The following FSHR variants were observed in gnomAD, a reference collection of about 807,000 sequenced individuals.
FSHR encodes follicle-stimulating hormone receptor.
FSHR carries 46 observed loss-of-function variants against 52.1 expected under a neutral mutation model. The observed-to-expected ratio is 0.88, with a 90% CI of 0.70 to 1.13. The LOEUF (loss-of-function observed/expected upper bound fraction) is 1.13, where lower values mean the gene tolerates loss of function less well. Ranked by LOEUF, FSHR falls within the 50% of genes most tolerant of loss-of-function variation. The probability of loss-of-function intolerance (pLI) is 0.00; values close to 1 mark genes in which losing one functional copy is unlikely to be tolerated. For missense variants in FSHR, 964 were observed against 834.6 expected (o/e 1.16, Z -1.91); for synonymous variants, 399 against 309.6 (o/e 1.29, Z -3.03).
Position 49,030,271 on chromosome 2 carries a change from A to AGTGTGTGTGTGT in FSHR, c.225-10123_225-10112dup, listed in dbSNP as rs141079184. Among the ~76,000 whole-genome samples the AGTGTGTGTGTGT allele has an allele frequency of 3.1e-3, 440 of 140,458 alleles. 4 individuals carry two copies. The highest frequency in any genetic ancestry group is 4.4e-3 in the African/African-American group (169 of 38,108). The allele number at this position is 140,458 out of a possible 152,430, so 92.1% of individuals were successfully genotyped here. ...GAGGCTCTTTGCTAAAGGAATAGCA[A>AGTGTGTGTGTGT]GTGTGTGTGTGTGTGTGTGTGTGTG... On this transcript the variant is annotated intron_variant, in intron 2 of 9. Coordinates refer to ENST00000406846, the MANE Select transcript of FSHR (RefSeq NM_000145.4).
intron 2 of FSHR, among the ~76,000 whole-genome samples, chr2:49,049,410 C>A (rs1668774093): frequency 6.6e-6 from 1 of 152,050 alleles, no homozygotes; most frequent in South Asian, 2.1e-4. Context: ...CCTTGAGTAA[C>A]CTCTGTCATA....
chr2:49,153,122 A>G (rs968919160), intron 1 of FSHR, among the ~76,000 whole-genome samples: 2 of 152,346 alleles, frequency 1.3e-5, no homozygotes, highest in Admixed American at 6.5e-5. Flanking sequence ...TCAGGTCTGC[A>G]AGGCTGCAAC....
chr2:49,117,226 C>T (rs1331365684), intron 1 of FSHR, among the ~76,000 whole-genome samples: 1 of 152,188 alleles, frequency 6.6e-6, no homozygotes, highest in South Asian at 2.1e-4. Flanking sequence ...AATATTCACC[C>T]TTCCAGACTT....
chr2:49,045,871 T>G (rs1450808491), intron 2 of FSHR, among the ~76,000 whole-genome samples: 1 of 152,248 alleles, frequency 6.6e-6, no homozygotes. Flanking sequence ...TTAAGGGTTA[T>G]TGTTTTCTTC....
intron 4 of FSHR, among the ~76,000 whole-genome samples, chr2:49,011,958 C>T (rs1370209679): frequency 2.6e-5 from 4 of 152,074 alleles, no homozygotes; most frequent in African/African-American, 7.2e-5. Flanking sequence ...AAAGAAACAG[C>T]CTGGATTGCT....
intron 1 of FSHR, among the ~76,000 whole-genome samples, chr2:49,102,574 G>A (rs1334951941): frequency 2.0e-5 from 3 of 152,128 alleles, no homozygotes; most frequent in Non-Finnish European, 4.4e-5. Context: ...CCAGTACTGG[G>A]CAATAAATAG....
rs1348058244 is a variant in FSHR at position 49,120,615 on chromosome 2, C to A, written c.152+33651G>T. On this transcript the variant is annotated intron_variant, in intron 1 of 9. Transcript: ENST00000406846. ...ATCTCTAGAATCAAGAGATATTGTG[C>A]TCTAGTTGAAATAGGGCAGACCTGG... Among the ~76,000 whole-genome samples, 3 of 152,156 alleles carry A rather than the reference C, an allele frequency of 2.0e-5. 1 individual carries two copies. Among genetic ancestry groups the A allele is most frequent in the Admixed American group, 1.3e-4 (2 of 15,274 alleles).
Position 49,029,121 on chromosome 2 carries a change from G to A in FSHR, c.225-8961C>T, listed in dbSNP as rs78787485. Among the ~76,000 whole-genome samples the A allele has an allele frequency of 4.7e-3, 713 of 152,272 alleles. 3 individuals are homozygous for A. Among genetic ancestry groups the A allele is most frequent in the African/African-American group, 0.016 (649 of 41,544 alleles). ...ATTAGTATTGCTTGGCCAATTTGAA[G>A]AAAAGAAATAACCAAAAATTCTTCC... On this transcript the variant is annotated intron_variant, in intron 2 of 9. Coordinates refer to ENST00000406846, the MANE Select transcript of FSHR (RefSeq NM_000145.4).
chr2:49,067,396 A>T (rs1337859562), intron 2 of FSHR, among the ~76,000 whole-genome samples: 2 of 152,178 alleles, frequency 1.3e-5, no homozygotes, highest in Non-Finnish European at 2.9e-5. Context: ...TCAAGAAAGA[A>T]ACACATGAAC....
At chr2:49,039,921 G>T (rs1007587163) in intron 2 of FSHR, among the ~76,000 whole-genome samples, 18 of 19,768 alleles carry the variant, frequency 9.1e-4, no homozygotes, top group Non-Finnish European at 6.9e-4. Flanking sequence ...TTCTACATTG[G>T]TGGTTTTTTT....
At chr2:49,015,438 T>A (rs887916634) in intron 4 of FSHR, among the ~76,000 whole-genome samples, 7 of 152,198 alleles carry the variant, frequency 4.6e-5, no homozygotes, top group Non-Finnish European at 8.8e-5. Flanking sequence ...TTATTAATGT[T>A]TTTGAGCACT....
chr2:49,111,630 G>A (rs996254949), intron 1 of FSHR, among the ~76,000 whole-genome samples: 12 of 152,208 alleles, frequency 7.9e-5, no homozygotes, highest in Middle Eastern at 3.4e-3. Context: ...TTGCCTGGAC[G>A]GCGGGTTTAT....
intron 1 of FSHR, among the ~76,000 whole-genome samples, chr2:49,131,543 G>A (rs1328920700): frequency 1.3e-5 from 2 of 152,066 alleles, no homozygotes; most frequent in Non-Finnish European, 2.9e-5. Flanking sequence ...TTTATTTTAC[G>A]TCACTAAGTT....
In FSHR at chr2:48,983,085, C is replaced by T; in HGVS notation, c.593+13G>A. ...CCTTTAAATGGCCTTGAAGAATAGT[C>T]AGGGCTACTTACAGCTCATCTAGTT... On this transcript the variant is annotated intron_variant, in intron 7 of 9. Coordinates refer to ENST00000406846, the MANE Select transcript of FSHR (RefSeq NM_000145.4). The T allele has an allele frequency of 6.2e-7, 1 of 1,613,680 alleles. No individual in the cohort carries two copies. Among genetic ancestry groups the T allele is most frequent in the Non-Finnish European group, 8.5e-7 (1 of 1,179,580 alleles).
chr2:48,985,084 G>A (rs926443857), intron 6 of FSHR, among the ~76,000 whole-genome samples: 70 of 149,312 alleles, frequency 4.7e-4, no homozygotes, highest in African/African-American at 1.6e-3. Flanking sequence ...CTTAAGAGAG[G>A]AAGTACCTAT....
At chr2:49,035,538 G>T (rs1011340717) in intron 2 of FSHR, among the ~76,000 whole-genome samples, 6 of 152,118 alleles carry the variant, frequency 3.9e-5, no homozygotes, top group African/African-American at 1.4e-4. Context: ...CTCCACTCCA[G>T]CTTCCCTAAG....
At chr2:49,053,687 TA>T (rs917701849) in intron 2 of FSHR, among the ~76,000 whole-genome samples, 2 of 151,662 alleles carry the variant, frequency 1.3e-5, no homozygotes, top group African/African-American at 2.4e-5. Flanking sequence ...TCCTGGTTCT[TA>T]AAAAAAAGAA....
intron 3 of FSHR, among the ~76,000 whole-genome samples, chr2:49,018,758 G>C (rs958028873): frequency 6.6e-6 from 1 of 152,194 alleles, no homozygotes; most frequent in Non-Finnish European, 1.5e-5. Flanking sequence ...AGGAGGCAGA[G>C]TGGGTAGAAG....
intron 6 of FSHR, 65 bp downstream of exon 6, chr2:48,988,912 T>G: frequency 7.3e-7 from 1 of 1,364,836 alleles, no homozygotes; most frequent in Non-Finnish European, 1.0e-6. Context: ...CATCCAATTA[T>G]GAGAAAGAGA....
Sources: gnomAD v4.1 joint callset for allele counts (sites outside exome capture counted in the v4.1 genomes callset) on GRCh38, gnomAD v4.1.1 for gene constraint, MANE v1.5 for transcripts, NCBI Gene and HGNC (gene_info 2026-07-23, HGNC 2026-07-21) for gene names.